SEC16A: variants seen among roughly 807,000 people sequenced by gnomAD.
SEC16A encodes the protein protein transport protein Sec16A.
Under a neutral mutation model 221.9 loss-of-function variants are expected in SEC16A, and 110 were observed. The ratio of observed to expected loss-of-function variants is 0.50; its 90% confidence interval spans 0.42 to 0.58. The LOEUF is 0.58. SEC16A is among the 20% of genes least tolerant of loss of function. The pLI is 0.00. For missense variants in SEC16A, 3,165 were observed against 3,097.8 expected (o/e 1.02, Z -0.52); for synonymous variants, 1,393 against 1,257.7 (o/e 1.11, Z -2.28).
intron 13 of SEC16A, among the ~76,000 whole-genome samples, chr9:136,460,875 T>C (rs558735181): frequency 6.6e-6 from 1 of 152,330 alleles, no homozygotes; most frequent in South Asian, 2.1e-4. Flanking sequence ...ATCGCGCCCC[T>C]GCACTTCAGC....
chr9:136,455,680 C>T lies in SEC16A; in HGVS notation c.5778G>A (p.Leu1926=). 1 of 1,594,214 alleles carries T rather than the reference C, an allele frequency of 6.3e-7. No homozygotes were observed. Among genetic ancestry groups the T allele is most frequent in the Non-Finnish European group, 8.5e-7 (1 of 1,171,290 alleles). The change falls in exon 20 of 32, where the codon CTG becomes CTA. Residue 1926 remains leucine, a synonymous_variant. Transcript: ENST00000684901. ...CCGCCAGCAGAGGGTTGGCGATCCCCAGGGCTCCTGGCTGACTGAGTCCTG... is the reference window on the plus strand; with the variant it reads ...CCGCCAGCAGAGGGTTGGCGATCCCTAGGGCTCCTGGCTGACTGAGTCCTG... The part of the protein sequence containing the change: ...DRPGLSQPGA[L]GIANPLLAVP...
intron 28 of SEC16A, 106 bp downstream of exon 28, chr9:136,446,749 A>C: frequency 8.6e-7 from 1 of 1,156,762 alleles, no homozygotes; most frequent in Admixed American, 2.4e-5. Context: ...GGAACACTCT[A>C]CGTACACATT....
chr9:136,467,325 A>T (rs547845697), intron 5 of SEC16A, among the ~76,000 whole-genome samples: 1 of 152,206 alleles, frequency 6.6e-6, no homozygotes, highest in Non-Finnish European at 1.5e-5. Flanking sequence ...AGGAAAAAAT[A>T]TTTTTAGAAA....
rs746118290 is a variant in SEC16A, at chr9:136,476,952, G to A, written c.664C>T (p.Pro222Ser). The change falls in exon 3 of 32, where the codon CCA (proline) becomes TCA (serine). Residue 222 changes from proline to serine, a missense_variant. Pro to Ser is a moderately conservative substitution (Grantham distance 74). Coordinates refer to ENST00000684901, the MANE Select transcript of SEC16A (RefSeq NM_014866.2). The part of the protein sequence containing the change: ...PGQWGPVQGG[P>S]QPSGQHRSPC... ...GAACGATGTTGCCCCGAGGGCTGTG[G>A]GCCTCCCTGCACTGGCCCCCACTGT... 1 of 1,612,810 alleles carries A rather than the reference G, an allele frequency of 6.2e-7. No homozygotes were observed. Among genetic ancestry groups the A allele is most frequent in the Non-Finnish European group, 8.5e-7 (1 of 1,179,736 alleles).
chr9:136,461,328 A>G (rs1045273551), intron 12 of SEC16A, 54 bp from the exon 13 acceptor site: 5 of 1,328,788 alleles, frequency 3.8e-6, no homozygotes, highest in Non-Finnish European at 5.3e-6. Context: ...CTCACGTGAC[A>G]TGAGTCAAGA....
At chr9:136,448,235 T>A (rs1354187974) in intron 23 of SEC16A, 74 bp from the exon 24 acceptor site, 3 of 1,291,640 alleles carry the variant, frequency 2.3e-6, no homozygotes, top group Non-Finnish European at 3.3e-6. Context: ...AAAAGACAAA[T>A]TCTACATGAC....
chr9:136,463,389 C>T lies in SEC16A; in HGVS notation c.4647+74G>A, dbSNP rs78210861. Reference sequence around the variant, plus strand: ...CCACGCGGATCCCGCCCTGCTCCTTCGGGAGGCTGAGCATTCCCAAGACGA... The same window carrying T: ...CCACGCGGATCCCGCCCTGCTCCTTTGGGAGGCTGAGCATTCCCAAGACGA... On this transcript the variant is annotated intron_variant, in intron 11 of 31. Coordinates refer to ENST00000684901, the MANE Select transcript of SEC16A (RefSeq NM_014866.2). 5.6e-5 allele frequency: 88 copies of T among 1,562,704 alleles called. 1 individual carries two copies. The African/African-American group carries it at 8.8e-4, about 16-fold the overall frequency.
chr9:136,458,196 T>A (rs1838969396), intron 17 of SEC16A, among the ~76,000 whole-genome samples: 1 of 150,806 alleles, frequency 6.6e-6, no homozygotes, highest in Admixed American at 6.6e-5. Flanking sequence ...CTCTAATTCC[T>A]GAGCTTAGGT....
intron 12 of SEC16A, 67 bp from the exon 13 acceptor site, chr9:136,461,341 G>A: frequency 8.7e-7 from 1 of 1,147,710 alleles, no homozygotes; most frequent in Non-Finnish European, 1.3e-6. Flanking sequence ...AGTCAAGACA[G>A]GCCATGTGTC....
Position 136,454,238 on chromosome 9 carries a change from C to G in SEC16A, c.5947G>C (p.Gly1983Arg), listed in dbSNP as rs1001853612. 4 of 1,573,554 alleles carry G rather than the reference C, an allele frequency of 2.5e-6. No individual in the cohort carries two copies. The highest frequency in any genetic ancestry group is 1.9e-5 in the Admixed American group (1 of 53,388). The change falls in exon 21 of 32, where the codon GGT (glycine) becomes CGT (arginine). Residue 1983 changes from glycine to arginine, a missense_variant. Physicochemically the swap from Gly to Arg is moderately radical, Grantham distance 125. Coordinates refer to ENST00000684901, the MANE Select transcript of SEC16A (RefSeq NM_014866.2). ...GGCCCTGGGGTCACACAGCCAGGACCCGGCTCCAGGGGCCCCGGGGGCAGT... is the reference window on the plus strand; with the variant it reads ...GGCCCTGGGGTCACACAGCCAGGACGCGGCTCCAGGGGCCCCGGGGGCAGT... ...VPLPPGPLEPGPGCVTPGPAL... is the reference protein window; with the variant it reads ...VPLPPGPLEPRPGCVTPGPAL...
In SEC16A at chr9:136,445,142, C is replaced by A. The variant is rs75639877; in HGVS notation, c.6868-31G>T. On this transcript the variant is annotated intron_variant, in intron 29 of 31. Transcript: ENST00000684901. ...AAACAGCAAGAACACACATAAAACACGGACGAAAGTCAACATGCACGTCAC... is the reference window on the plus strand; with the variant it reads ...AAACAGCAAGAACACACATAAAACAAGGACGAAAGTCAACATGCACGTCAC... 9.2e-4 allele frequency: 1,448 copies of A among 1,580,488 alleles called. 7 individuals are homozygous for A. In the African/African-American group the frequency reaches 0.017, roughly 18 times the overall value.
In SEC16A at chr9:136,475,051, C is replaced by T. The variant is rs1841436782; in HGVS notation, c.2565G>A (p.Lys855=). 1 of 1,613,670 alleles carries T rather than the reference C, an allele frequency of 6.2e-7. No individual in the cohort carries two copies. The highest frequency in any genetic ancestry group is 8.5e-7 in the Non-Finnish European group (1 of 1,179,850). The change falls in exon 3 of 32, where the codon AAG becomes AAA. Residue 855 remains lysine (K), a synonymous_variant. Transcript: ENST00000684901. The surrounding 1 kb of genome is among the most constrained non-coding windows in gnomAD (Gnocchi z 5.0). ...CCAAAGCCTCTCTCCAGGACTGATT[C>T]TTCTCATGAGAGTTCGATAAGGACA... ...FSVSLSNSHE[K]NQSWREALVG...
At chr9:136,484,553 C>A (rs1227053529), upstream of SEC16A, 2 of 1,310,008 alleles carry the variant, frequency 1.5e-6, no homozygotes, top group Admixed American at 2.1e-5. Flanking sequence ...TGGGGGTGCC[C>A]GCCCGATGGC....
rs1836539204 is a variant in SEC16A, at chr9:136,443,733, C to G, written c.7005+90G>C. On this transcript the variant is annotated intron_variant, in intron 31 of 31. Coordinates refer to ENST00000684901, the MANE Select transcript of SEC16A (RefSeq NM_014866.2). ...TTTTAAAAAGAAAGAAAAAGAGGAT[C>G]TAGGGCAGAAAGCTGCCATCACTGA... The G allele has an allele frequency of 3.6e-6, 3 of 839,814 alleles. No individual in the cohort carries two copies. In the East Asian group the frequency reaches 7.8e-5, roughly 22 times the overall value. The allele number at this position is 839,814 out of a possible 1,614,324, so 52.0% of individuals were successfully genotyped here. A position where few individuals can be genotyped will look rare whatever the true frequency, so the allele number is the denominator to read the frequency against.
At chr9:136,442,166 T>C (rs1235319702) in intron 31 of SEC16A, among the ~76,000 whole-genome samples, 2 of 152,196 alleles carry the variant, frequency 1.3e-5, no homozygotes, top group African/African-American at 4.8e-5. Context: ...CCTGGCCTAC[T>C]GCATGGGACG....
intron 19 of SEC16A, 96 bp downstream of exon 19, chr9:136,455,957 C>T (rs1289329777): frequency 3.2e-6 from 4 of 1,242,318 alleles, no homozygotes; most frequent in East Asian, 2.4e-5. Flanking sequence ...TTTGCAGTTA[C>T]ACTGTCTTTA....
At chr9:136,463,348 A>G in intron 11 of SEC16A, 115 bp downstream of exon 11, 1 of 1,388,538 alleles carries the variant, frequency 7.2e-7, no homozygotes, top group Non-Finnish European at 9.9e-7. Flanking sequence ...GGGGCCCTCG[A>G]GGCTCCCATA....
rs978773188 is a variant in SEC16A at position 136,468,002 on chromosome 9, C to G, written c.3802+413G>C. Among the ~76,000 whole-genome samples, 6 of 152,344 alleles carry G rather than the reference C, an allele frequency of 3.9e-5. No individual in the cohort carries two copies. The South Asian group carries it at 8.3e-4, about 21-fold the overall frequency. On this transcript the variant is annotated intron_variant, in intron 5 of 31. Transcript: ENST00000684901. ...CCACACCGCCCCAGGCAGCAGCTGC[C>G]AGCCTCCTGTGGTCAGGAGTGCGGG...
chr9:136,441,643 A>C lies in SEC16A; in HGVS notation c.*112T>G. ...GAGGCACAGTGTGCGACCAGCTCTGAGTCACTGCTGTGTCTCCCTGGGGGC... is the reference window on the plus strand; with the variant it reads ...GAGGCACAGTGTGCGACCAGCTCTGCGTCACTGCTGTGTCTCCCTGGGGGC... On this transcript the variant is annotated 3_prime_UTR_variant, in exon 32 of 32. Coordinates refer to ENST00000684901, the MANE Select transcript of SEC16A (RefSeq NM_014866.2). The C allele has an allele frequency of 1.2e-6, 1 of 855,548 alleles. No homozygotes were observed. Among genetic ancestry groups the C allele is most frequent in the Non-Finnish European group, 2.0e-6 (1 of 512,686 alleles). The allele number at this position is 855,548 out of a possible 1,614,324, so 53.0% of individuals were successfully genotyped here. A position where few individuals can be genotyped will look rare whatever the true frequency, so the allele number is the denominator to read the frequency against.
Sources: gnomAD v4.1 joint callset for allele counts (sites outside exome capture counted in the v4.1 genomes callset) on GRCh38, gnomAD v4.1.1 for gene constraint, Gnocchi (gnomAD v3.1) non-coding constraint, MANE v1.5 for transcripts, NCBI Gene and HGNC (gene_info 2026-07-23, HGNC 2026-07-21) for gene names.